ACY3: variants seen among roughly 807,000 people sequenced by gnomAD.
ACY3 encodes N-acyl-aromatic-L-amino acid amidohydrolase (carboxylate-forming).
In ACY3, 20 loss-of-function variants were observed where a neutral mutation model predicts 24.6. That is an observed-to-expected ratio of 0.81 (90% CI 0.57 to 1.18). The LOEUF (loss-of-function observed/expected upper bound fraction) is 1.18. ACY3 is among the 50% of genes most tolerant of loss of function. ACY3 has a pLI of 0.00. For synonymous variants in ACY3, 174 were observed against 188.4 expected (o/e 0.92, Z 0.62); for missense variants, 423 against 426.8 (o/e 0.99, Z 0.08).
intron 4 of ACY3, 126 bp from the exon 5 acceptor site, chr11:67,645,506 G>C: frequency 8.0e-7 from 1 of 1,243,022 alleles, no homozygotes; most frequent in Non-Finnish European, 1.1e-6. Flanking sequence ...CTACCCTCTG[G>C]CAGGGTAGGG....
chr11:67,650,442 G>T (rs938468332), intron 1 of ACY3, 141 bp downstream of exon 1: 1 of 152,150 alleles, frequency 6.6e-6, no homozygotes, highest in African/African-American at 2.4e-5. Flanking sequence ...GTTAACACCC[G>T]CCAAGCAACT....
intron 1 of ACY3, among the ~76,000 whole-genome samples, chr11:67,648,491 G>A (rs1855557290): frequency 1.3e-5 from 2 of 152,154 alleles, no homozygotes; most frequent in African/African-American, 4.8e-5. Context: ...GAGGAGCTGA[G>A]GCCAGTTCCG....
chr11:67,645,404 G>A, intron 4 of ACY3, 24 bp from the exon 5 acceptor site: 1 of 1,608,028 alleles, frequency 6.2e-7, no homozygotes, highest in Non-Finnish European at 8.5e-7. Context: ...AGGCAGGTTA[G>A]GGGCCCAGGC....
chr11:67,649,281 C>T (rs112144814), intron 1 of ACY3, among the ~76,000 whole-genome samples: 56 of 152,264 alleles, frequency 3.7e-4, no homozygotes, highest in African/African-American at 1.2e-3. Flanking sequence ...CCTGCTGACT[C>T]GGTGTGGTAC....
intron 1 of ACY3, among the ~76,000 whole-genome samples, chr11:67,649,362 T>G (rs926565744): frequency 7.9e-5 from 12 of 152,164 alleles, no homozygotes; most frequent in Non-Finnish European, 1.6e-4. Context: ...GGGTGCTTCC[T>G]GCCACAAGGT....
At position 67,646,939 on chromosome 11, in the gene ACY3, C is replaced by G; in HGVS notation, c.105G>C (p.Leu35=). 1 of 1,602,146 alleles carries G rather than the reference C, an allele frequency of 6.2e-7. No individual in the cohort carries two copies. The highest frequency in any genetic ancestry group is 8.5e-7 in the Non-Finnish European group (1 of 1,174,280). Residue 35 remains leucine, a synonymous_variant, in exon 3 of 8, where the codon CTG becomes CTC. Coordinates refer to ENST00000255082, the MANE Select transcript of ACY3 (RefSeq NM_080658.2). ...MSGVYLARHW[L]HAPAELQRAS... ...CTCTCTGCAGCTCTGCGGGGGCATGCAGCCAGTGCCGGGCCAGGTAGACGC... is the reference window on the plus strand; with the variant it reads ...CTCTCTGCAGCTCTGCGGGGGCATGGAGCCAGTGCCGGGCCAGGTAGACGC...
chr11:67,644,190 G>A (rs1490594960), intron 7 of ACY3, among the ~76,000 whole-genome samples: 3 of 151,814 alleles, frequency 2.0e-5, no homozygotes, highest in South Asian at 2.1e-4. Context: ...GGGCACAAAA[G>A]GCCACAAGAT....
chr11:67,645,543 T>C lies in ACY3; in HGVS notation c.432+149A>G, dbSNP rs1565238343. On this transcript the variant is annotated intron_variant, in intron 4 of 7. Coordinates refer to ENST00000255082, the MANE Select transcript of ACY3 (RefSeq NM_080658.2). Reference sequence around the variant, plus strand: ...AGGGGGTACCGGGGGCCTGGAGTGCTGGCGAGTGGCAGACCCCAGGGACTG... The same window carrying C: ...AGGGGGTACCGGGGGCCTGGAGTGCCGGCGAGTGGCAGACCCCAGGGACTG... The C allele has an allele frequency of 3.3e-6, 4 of 1,228,740 alleles. No individual in the cohort carries two copies. The African/African-American group carries it at 4.6e-5, about 14-fold the overall frequency. The allele number at this position is 1,228,740 out of a possible 1,614,324, so 76.1% of individuals were successfully genotyped here.
rs765186959 is a variant in ACY3 at position 67,645,279 on chromosome 11, C to G, written c.526+8G>C. 2.5e-6 allele frequency: 4 copies of G among 1,613,228 alleles called. No individual in the cohort carries two copies. The highest frequency in any genetic ancestry group is 4.5e-5 in the East Asian group (2 of 44,874). ...GCCCCGCCCACTTCTCAGAAGGCTG[C>G]GGCCCACCCAGTCCATTTTTGGCCA... On this transcript the variant is annotated splice_region_variant and intron_variant, in intron 5 of 7. Transcript: ENST00000255082.
chr11:67,648,995 G>GGCCAT (rs1190645841), intron 1 of ACY3, among the ~76,000 whole-genome samples: 12 of 152,080 alleles, frequency 7.9e-5, no homozygotes, highest in Admixed American at 7.9e-4. Flanking sequence ...GCCATTAGGG[G>GGCCAT]GCCATGCCAT....
chr11:67,643,173 C>T (rs1041018993), intron 7 of ACY3, among the ~76,000 whole-genome samples: 1 of 152,220 alleles, frequency 6.6e-6, no homozygotes, highest in Non-Finnish European at 1.5e-5. Flanking sequence ...GAAGTGGACC[C>T]TCATGGATAC....
Position 67,649,645 on chromosome 11 carries a change from C to T in ACY3, c.-95+938G>A, listed in dbSNP as rs764411228. On this transcript the variant is annotated intron_variant, in intron 1 of 7. Coordinates refer to ENST00000255082, the MANE Select transcript of ACY3 (RefSeq NM_080658.2). ...GTGTACGTGACAGCATGCGTGTGTG[C>T]GTGCGTGTGTACATGTGTGTGCATG... Among the ~76,000 whole-genome samples the T allele has an allele frequency of 9.8e-4, 128 of 130,068 alleles. 1 individual carries two copies. Among genetic ancestry groups the T allele is most frequent in the African/African-American group, 4.7e-3 (109 of 22,986 alleles). The allele number at this position is 130,068 out of a possible 152,430, so 85.3% of individuals were successfully genotyped here. A position where few individuals can be genotyped will look rare whatever the true frequency, so the allele number is the denominator to read the frequency against.
chr11:67,642,620 A>T lies in ACY3; in HGVS notation c.*104T>A, dbSNP rs1231835818. Reference sequence around the variant, plus strand: ...AGGGGTTGGGGAGGCCTGGCAAGGAACATGGTGCATGGTAGGTGGCAGAAG... The same window carrying T: ...AGGGGTTGGGGAGGCCTGGCAAGGATCATGGTGCATGGTAGGTGGCAGAAG... On this transcript the variant is annotated 3_prime_UTR_variant, in exon 8 of 8. Coordinates refer to ENST00000255082, the MANE Select transcript of ACY3 (RefSeq NM_080658.2). 3 of 1,241,986 alleles carry T rather than the reference A, an allele frequency of 2.4e-6. No individual in the cohort carries two copies. Among genetic ancestry groups the T allele is most frequent in the African/African-American group, 3.0e-5 (2 of 67,500 alleles). 76.9% of individuals were successfully genotyped at this position (1,241,986 alleles called of 1,614,324 possible). A position where few individuals can be genotyped will look rare whatever the true frequency, so the allele number is the denominator to read the frequency against.
chr11:67,647,060 G>A lies in ACY3; in HGVS notation c.-17C>T. On this transcript the variant is annotated 5_prime_UTR_variant, in exon 3 of 8. Transcript: ENST00000255082. ...TGAGCACATGCTGGTGTGGGGTGCA[G>A]AACCTGGGGGTGGGCATACTTAGGA... 1 of 1,490,746 alleles carries A rather than the reference G, an allele frequency of 6.7e-7. No homozygotes were observed. The highest frequency in any genetic ancestry group is 8.9e-7 in the Non-Finnish European group (1 of 1,118,708). 92.3% of individuals were successfully genotyped at this position (1,490,746 alleles called of 1,614,324 possible).
Position 67,645,705 on chromosome 11 carries a change from C to A in ACY3, c.419G>T (p.Cys140Phe), listed in dbSNP as rs1324452554. The A allele has an allele frequency of 6.2e-7, 1 of 1,606,698 alleles. No homozygotes were observed. The highest frequency in any genetic ancestry group is 8.5e-7 in the Non-Finnish European group (1 of 1,176,718). Residue 140 changes from cysteine (C) to phenylalanine (F), a missense_variant, in exon 4 of 8, where the codon TGC becomes TTC. Cys to Phe is a radical substitution (Grantham distance 205). Transcript: ENST00000255082. ...SSHEVFAMHL[C>F]RHLQLQYPEL... is the part of the protein sequence containing the mutation. ...GGCCGGGGCCACCTGCAGATGGCGG[C>A]ACAGGTGCATGGCAAAGACTTCGTG...
chr11:67,644,731 AC>A (rs769155824), intron 7 of ACY3, 28 bp downstream of exon 7: 1 of 1,031,920 alleles, frequency 9.7e-7, no homozygotes. Context: ...ATCACCCCCC[AC>A]CACACACACA....
intron 7 of ACY3, among the ~76,000 whole-genome samples, chr11:67,644,254 C>A (rs1471108023): frequency 1.3e-5 from 2 of 152,082 alleles, no homozygotes; most frequent in Non-Finnish European, 2.9e-5. Flanking sequence ...AGAGCAGCAG[C>A]CAGTACGTTC....
chr11:67,643,679 A>G (rs1461585303), intron 7 of ACY3, among the ~76,000 whole-genome samples: 1 of 151,852 alleles, frequency 6.6e-6, no homozygotes, highest in South Asian at 2.1e-4. Flanking sequence ...CTCTGTCTCA[A>G]ATAAATAAAT....
chr11:67,642,984 C>G, intron 7 of ACY3, 45 bp from the exon 8 acceptor site: 1 of 1,570,790 alleles, frequency 6.4e-7, no homozygotes, highest in Non-Finnish European at 8.7e-7. Context: ...CCACCTCTGC[C>G]CTGGCCCCAG....
Sources: gnomAD v4.1 joint callset for allele counts (sites outside exome capture counted in the v4.1 genomes callset) on GRCh38, gnomAD v4.1.1 for gene constraint, MANE v1.5 for transcripts, NCBI Gene and HGNC (gene_info 2026-07-23, HGNC 2026-07-21) for gene names.